PSMD3: variants seen among roughly 807,000 people sequenced by gnomAD.
PSMD3 encodes proteasome 26S subunit, non-ATPase 3.
PSMD3 carries 5 observed loss-of-function variants against 62.8 expected under a neutral mutation model. The ratio of observed to expected loss-of-function variants is 0.08; its 90% CI spans 0.04 to 0.17. The LOEUF is 0.17. Among genes scored for constraint, PSMD3 ranks in the 10% least tolerant of loss-of-function variants. PSMD3 has a pLI of 1.00. For missense variants in PSMD3, 524 were observed against 713.6 expected (o/e 0.73, Z 3.03); for synonymous variants, 265 against 283.9 (o/e 0.93, Z 0.67).
Position 39,989,731 on chromosome 17 carries a change from T to C in PSMD3, c.687-8T>C. The C allele has an allele frequency of 6.2e-7, 1 of 1,609,474 alleles. No homozygotes were observed. ...GAAGGCTTTGACATCTTTCTTTCCTTCTTGAAGCTTCTTGCATGCTCGGCT... is the reference window on the plus strand; with the variant it reads ...GAAGGCTTTGACATCTTTCTTTCCTCCTTGAAGCTTCTTGCATGCTCGGCT... On this transcript the variant is annotated splice_region_variant and splice_polypyrimidine_tract_variant and intron_variant, in intron 4 of 11. Transcript: ENST00000264639.
intron 3 of PSMD3, among the ~76,000 whole-genome samples, chr17:39,988,272 G>A (rs1980573234): frequency 6.6e-6 from 1 of 152,066 alleles, no homozygotes; most frequent in African/African-American, 2.4e-5. Context: ...CTACTAATCT[G>A]CCCTGTCTCT....
At chr17:39,993,889 T>A (rs2144815659) in intron 6 of PSMD3, 1 of 152,288 alleles carries the variant, frequency 6.6e-6, no homozygotes, top group Admixed American at 6.5e-5. Context: ...GTTTCCTAGC[T>A]AGTGAATAGA....
At chr17:39,985,446 G>T (rs988025674) in intron 2 of PSMD3, among the ~76,000 whole-genome samples, 2 of 152,208 alleles carry the variant, frequency 1.3e-5, no homozygotes, top group African/African-American at 2.4e-5. Context: ...AGTCAGTTTG[G>T]TGGTGGTGGT....
In PSMD3 at chr17:39,982,804, T is replaced by G. The variant is rs1040381066; in HGVS notation, c.221-1490T>G. Among the ~76,000 whole-genome samples, 4 of 152,252 alleles carry G rather than the reference T, an allele frequency of 2.6e-5. No homozygotes were observed. The East Asian group carries it at 7.7e-4, about 29-fold the overall frequency. On this transcript the variant is annotated intron_variant, in intron 1 of 11. Transcript: ENST00000264639. Reference sequence around the variant, plus strand: ...TTGCATTCCCTTATTGCTTTGCATTTAAACTGTTTCTAGTTTCTTGCTATC... The same window carrying G: ...TTGCATTCCCTTATTGCTTTGCATTGAAACTGTTTCTAGTTTCTTGCTATC...
At position 39,996,033 on chromosome 17, in the gene PSMD3, C is replaced by T. The variant is rs1980773638; in HGVS notation, c.1321-150C>T. On this transcript the variant is annotated intron_variant, in intron 9 of 11. Coordinates refer to ENST00000264639, the MANE Select transcript of PSMD3 (RefSeq NM_002809.4). The surrounding 1 kb of genome is among the most constrained non-coding windows in gnomAD (Gnocchi z 5.1). ...ACTTGGGAGGCTGAGGCAGGAGAAT[C>T]GCTTGAACCCGGGAGGTAAAGGTTG... 10 of 880,664 alleles carry T rather than the reference C, an allele frequency of 1.1e-5. No individual in the cohort carries two copies. Among genetic ancestry groups the T allele is most frequent in the South Asian group, 4.6e-5 (3 of 65,700 alleles). 54.6% of individuals were successfully genotyped at this position (880,664 alleles called of 1,614,324 possible). A position where few individuals can be genotyped will look rare whatever the true frequency, so the allele number is the denominator to read the frequency against.
At chr17:39,994,553 G>A (rs531934436) in intron 6 of PSMD3, 7 of 234,068 alleles carry the variant, frequency 3.0e-5, no homozygotes, top group African/African-American at 6.7e-5. Context: ...GTAACAGTCC[G>A]CCTCCCTAAT....
In PSMD3 at chr17:39,981,148, G is replaced by A. The variant is rs532325371; in HGVS notation, c.178G>A (p.Ala60Thr). ...AGACGGCAAGACGGCGGCGGCAGCGGCTGAGCACTCCCAGCGAGAGCTGGA... is the reference window on the plus strand; with the variant it reads ...AGACGGCAAGACGGCGGCGGCAGCGACTGAGCACTCCCAGCGAGAGCTGGA... ...EADGKTAAAA[A>T]EHSQRELDTV... is the part of the protein sequence containing the mutation. Residue 60 changes from alanine (A) to threonine (T), a missense_variant, in exon 1 of 12, where the codon GCT becomes ACT. Physicochemically the swap from Ala to Thr is moderately conservative, Grantham distance 58 (BLOSUM62 0). Around this residue, in one of 4 missense-constraint regions of PSMD3, gnomAD observed 396 missense variants for 475.8 expected, o/e 0.83. Coordinates refer to ENST00000264639, the MANE Select transcript of PSMD3 (RefSeq NM_002809.4). 33 of 1,550,914 alleles carry A rather than the reference G, an allele frequency of 2.1e-5. No homozygotes were observed. In the South Asian group the frequency reaches 3.7e-4, roughly 17 times the overall value.
Position 39,988,900 on chromosome 17 carries a change from A to G in PSMD3, c.686+81A>G, listed in dbSNP as rs1980589537. Reference sequence around the variant, plus strand: ...CACAAGCACACAGCTGTGGATCTGCAGAGGGCGAAGAACCTGTAGATGTAA... The same window carrying G: ...CACAAGCACACAGCTGTGGATCTGCGGAGGGCGAAGAACCTGTAGATGTAA... On this transcript the variant is annotated intron_variant, in intron 4 of 11. Transcript: ENST00000264639. The G allele has an allele frequency of 6.5e-6, 10 of 1,537,912 alleles. No individual in the cohort carries two copies. The Admixed American group carries it at 1.5e-4, about 23-fold the overall frequency.
At chr17:39,991,109 G>C (rs1039855506) in intron 6 of PSMD3, among the ~76,000 whole-genome samples, 1 of 152,000 alleles carries the variant, frequency 6.6e-6, no homozygotes, top group African/African-American at 2.4e-5. Context: ...TTCCTCAGTA[G>C]CTGGGCAGGC....
intron 2 of PSMD3, among the ~76,000 whole-genome samples, chr17:39,985,731 G>A (rs974155103): frequency 3.9e-5 from 6 of 152,186 alleles, no homozygotes; most frequent in African/African-American, 1.4e-4. Flanking sequence ...CCTTCACATC[G>A]CTAAACTCAC....
At position 39,986,725 on chromosome 17, in the gene PSMD3, C is replaced by G. The variant is rs3859188; in HGVS notation, c.549+13C>G. The G allele has an allele frequency of 9.3e-6, 15 of 1,613,632 alleles. No homozygotes were observed. The African/African-American group carries it at 1.5e-4, about 16-fold the overall frequency. Reference sequence around the variant, plus strand: ...GCGCTACAAAGAGGTATCCAGGATGCAGTGAGAGCGATTCATAAGCCCCAA... The same window carrying G: ...GCGCTACAAAGAGGTATCCAGGATGGAGTGAGAGCGATTCATAAGCCCCAA... On this transcript the variant is annotated intron_variant, in intron 3 of 11. Coordinates refer to ENST00000264639, the MANE Select transcript of PSMD3 (RefSeq NM_002809.4).
chr17:39,986,570 C>A lies in PSMD3; in HGVS notation c.412-5C>A. The A allele has an allele frequency of 6.2e-7, 1 of 1,614,206 alleles. No individual in the cohort carries two copies. The highest frequency in any genetic ancestry group is 1.1e-5 in the South Asian group (1 of 91,080). On this transcript the variant is annotated splice_region_variant and splice_polypyrimidine_tract_variant and intron_variant, in intron 2 of 11. Transcript: ENST00000264639. ...TTTTCCATGGTAACTTCTGTCCTCT[C>A]CTAGCCCATGGACACAGAGGCTGAT...
In PSMD3 at chr17:39,996,126, A is replaced by C. The variant is rs1437930485; in HGVS notation, c.1321-57A>C. 1.2e-6 allele frequency: 2 copies of C among 1,605,718 alleles called. No homozygotes were observed. The highest frequency in any genetic ancestry group is 1.7e-6 in the Non-Finnish European group (2 of 1,175,788). On this transcript the variant is annotated intron_variant, in intron 9 of 11. Transcript: ENST00000264639. The surrounding 1 kb of genome is among the most constrained non-coding windows in gnomAD (Gnocchi z 5.1). ...ACAGAGCGAGACTCCATCTCAAAAA[A>C]AAAAAAAAAGAAGAAGCTGGGTGTG...
chr17:39,982,403 G>A (rs1980410748), intron 1 of PSMD3, among the ~76,000 whole-genome samples: 1 of 152,170 alleles, frequency 6.6e-6, no homozygotes, highest in Non-Finnish European at 1.5e-5. Context: ...TTTTTCTTGT[G>A]AATTTTTGAG....
chr17:39,996,160 C>T lies in PSMD3; in HGVS notation c.1321-23C>T. On this transcript the variant is annotated intron_variant, in intron 9 of 11. Coordinates refer to ENST00000264639, the MANE Select transcript of PSMD3 (RefSeq NM_002809.4). The surrounding 1 kb of genome is among the most constrained non-coding windows in gnomAD (Gnocchi z 5.1). The stretch of plus-strand genomic sequence containing the variant: ...AGAAGAAGCTGGGTGTGCTGGTGAA[C>T]TTTCCTCTTTGGGGGCCTGCAGGCC... 3 of 1,611,954 alleles carry T rather than the reference C, an allele frequency of 1.9e-6. No homozygotes were observed. The South Asian group carries it at 3.3e-5, about 18-fold the overall frequency.
intron 4 of PSMD3, among the ~76,000 whole-genome samples, chr17:39,989,210 G>T (rs1339818382): frequency 6.6e-6 from 1 of 152,150 alleles, no homozygotes; most frequent in Admixed American, 6.5e-5. Context: ...GCTCCATTTT[G>T]ACCTCCCAGA....
chr17:39,994,623 G>A (rs1980737328), intron 6 of PSMD3: 2 of 338,112 alleles, frequency 5.9e-6, no homozygotes, highest in Admixed American at 4.1e-5. Flanking sequence ...GTCCCTCGCT[G>A]TTGCTGAGCC....
Position 39,981,207 on chromosome 17 carries a change from C to T in PSMD3, c.220+17C>T, listed in dbSNP as rs1319260383. On this transcript the variant is annotated intron_variant, in intron 1 of 11. Coordinates refer to ENST00000264639, the MANE Select transcript of PSMD3 (RefSeq NM_002809.4). ...CCTTGGAGGGTACGGCAGCCCAGGC[C>T]GGGAACGTGCCGCGATCGCGGGTGA... 1.3e-6 allele frequency: 2 copies of T among 1,549,412 alleles called. No homozygotes were observed. Among genetic ancestry groups the T allele is most frequent in the Non-Finnish European group, 1.7e-6 (2 of 1,146,564 alleles).
chr17:39,984,397 C>T lies in PSMD3; in HGVS notation c.324C>T (p.Leu108=), dbSNP rs751038140. The change falls in exon 2 of 12, where the codon CTC becomes CTT. Residue 108 remains leucine (L), a synonymous_variant. Transcript: ENST00000264639. ...LRMLPSTSRR[L]NHYVLYKAVQ... ...TGCTGCCTTCCACATCACGCCGCCT[C>T]AACCACTATGTTCTGTATAAGGCTG... 8.7e-6 allele frequency: 14 copies of T among 1,613,846 alleles called. No homozygotes were observed. In the Middle Eastern group the frequency reaches 5.1e-4, roughly 59 times the overall value.
Sources: gnomAD v4.1 joint callset for allele counts (sites outside exome capture counted in the v4.1 genomes callset) on GRCh38, gnomAD v4.1.1 for gene constraint, gnomAD v4.1.1 regional missense constraint, Gnocchi (gnomAD v3.1) non-coding constraint, MANE v1.5 for transcripts, NCBI Gene and HGNC (gene_info 2026-07-23, HGNC 2026-07-21) for gene names.